Variants in GSE1 observed in about 807,000 individuals in gnomAD.
GSE1 encodes the protein genetic suppressor element 1.
Under a neutral mutation model 112.6 loss-of-function variants are expected in GSE1, and 32 were observed. That is an observed-to-expected ratio of 0.28 (90% CI 0.21 to 0.38). The LOEUF is 0.38. Among genes scored for constraint, GSE1 ranks in the 10% least tolerant of loss-of-function variants. The probability of loss-of-function intolerance (pLI) is 1.00; values close to 1 mark genes in which losing one functional copy is unlikely to be tolerated. For synonymous variants in GSE1, 1,115 were observed against 735.6 expected (o/e 1.52, Z -8.35); for missense variants, 2,348 against 1,699.2 (o/e 1.38, Z -6.71).
In GSE1 at chr16:85,519,267, TATCATCATCACC is replaced by T. The variant is rs1352347867; in HGVS notation, c.2465-114642_2465-114631del. Among the ~76,000 whole-genome samples, 22 of 133,690 alleles carry T rather than the reference TATCATCATCACC, an allele frequency of 1.6e-4. 1 individual carries two copies. In the South Asian group the frequency reaches 5.5e-3, roughly 33 times the overall value. 87.7% of individuals were successfully genotyped at this position (133,690 alleles called of 152,430 possible). ...CCATCGTCACTTTTACCACCATCACTATCATCATCACCATCACCACCACCATCACCGGTCTCC... is the reference window on the plus strand; with the variant it reads ...CCATCGTCACTTTTACCACCATCACTATCACCACCACCATCACCGGTCTCC... On this transcript the variant is annotated intron_variant, in intron 2 of 2. Transcript: ENST00000637419.
intron 2 of GSE1, among the ~76,000 whole-genome samples, chr16:85,639,493 GGGCGCCA>G (rs56915072): frequency 0.22 from 34,083 of 152,212 alleles, 4,171 homozygotes; most frequent in Middle Eastern, 0.32. Flanking sequence ...TAAGCCTCCT[GGGCGCCA>G]GGCCTAGCCT....
chr16:85,456,151 G>A (rs1264303801), intron 2 of GSE1, among the ~76,000 whole-genome samples: 3 of 152,202 alleles, frequency 2.0e-5, no homozygotes, highest in Non-Finnish European at 2.9e-5. Flanking sequence ...TCAGAGGAGG[G>A]TCACCGAGGG....
At chr16:85,397,152 G>T (rs1045347231) in intron 2 of GSE1, among the ~76,000 whole-genome samples, 1 of 152,318 alleles carries the variant, frequency 6.6e-6, no homozygotes, top group East Asian at 1.9e-4. Flanking sequence ...CCTGGGGGGA[G>T]ACTTGATTTC....
chr16:85,517,933 C>T (rs1273059084), intron 2 of GSE1, among the ~76,000 whole-genome samples: 2 of 152,188 alleles, frequency 1.3e-5, no homozygotes, highest in Non-Finnish European at 2.9e-5. Context: ...ATGGAGCGCC[C>T]CTCTCCCCTC....
chr16:85,554,145 A>G (rs2045076245), upstream of GSE1, among the ~76,000 whole-genome samples: 1 of 148,382 alleles, frequency 6.7e-6, no homozygotes. Flanking sequence ...GCAGCTTTGC[A>G]GCGTGCGTTT....
At chr16:85,627,728 C>A (rs1435462512) in intron 1 of GSE1, among the ~76,000 whole-genome samples, 1 of 151,968 alleles carries the variant, frequency 6.6e-6, no homozygotes, top group Non-Finnish European at 1.5e-5. Flanking sequence ...GGAGCGTATT[C>A]CCAGCTGTTA....
chr16:85,458,220 G>A (rs148849204), intron 2 of GSE1, among the ~76,000 whole-genome samples: 15 of 152,340 alleles, frequency 9.8e-5, no homozygotes, highest in Non-Finnish European at 1.6e-4. Context: ...CCCCTGCCTC[G>A]CTCCCGGCTG....
At chr16:85,228,248 G>C (rs1470063321) in intron 1 of GSE1, among the ~76,000 whole-genome samples, 1 of 152,270 alleles carries the variant, frequency 6.6e-6, no homozygotes, top group African/African-American at 2.4e-5. Context: ...AAGAGCTACA[G>C]ACAGAGGGCT....
intron 1 of GSE1, among the ~76,000 whole-genome samples, chr16:85,347,473 T>A (rs2046766735): frequency 6.6e-6 from 1 of 152,140 alleles, no homozygotes; most frequent in Non-Finnish European, 1.5e-5. Context: ...GTGCCAGCCT[T>A]TCAAGGGACC....
At chr16:85,478,090 G>C (rs140716886) in intron 2 of GSE1, among the ~76,000 whole-genome samples, 69 of 152,228 alleles carry the variant, frequency 4.5e-4, no homozygotes, top group Middle Eastern at 6.8e-3. Context: ...GGATTTCCCT[G>C]TTCTGGTCAT....
Position 85,298,305 on chromosome 16 carries a change from T to C in GSE1, c.2284-59158T>C, listed in dbSNP as rs1377818310. On this transcript the variant is annotated intron_variant, in intron 1 of 2. Transcript: ENST00000637419. ...GTCTCCAAGAGGCAAATTTGACATA[T>C]CCAAGAAGAAGCGCTTTATCTCCAC... Among the ~76,000 whole-genome samples, 4 of 152,132 alleles carry C rather than the reference T, an allele frequency of 2.6e-5. No homozygotes were observed. The East Asian group carries it at 7.7e-4, about 29-fold the overall frequency.
chr16:85,590,528 T>C (rs2046957496), intron 1 of GSE1, among the ~76,000 whole-genome samples: 1 of 151,392 alleles, frequency 6.6e-6, no homozygotes, highest in South Asian at 2.1e-4. Flanking sequence ...TGTGTGATTG[T>C]GTGAGCATGT....
At chr16:85,252,638 C>T (rs535535439) in intron 1 of GSE1, among the ~76,000 whole-genome samples, 1 of 152,312 alleles carries the variant, frequency 6.6e-6, no homozygotes, top group South Asian at 2.1e-4. Flanking sequence ...TGGAGAGGCC[C>T]CAGCTGTGGC....
intron 2 of GSE1, among the ~76,000 whole-genome samples, chr16:85,494,925 A>G (rs1273073537): frequency 1.3e-5 from 2 of 149,620 alleles, no homozygotes; most frequent in Non-Finnish European, 3.0e-5. Flanking sequence ...CTGCCGGTGC[A>G]GGCTTTCTGC....
chr16:85,222,606 C>T (rs80004650), intron 1 of GSE1, among the ~76,000 whole-genome samples: 5 of 152,200 alleles, frequency 3.3e-5, no homozygotes, highest in Non-Finnish European at 7.3e-5. Context: ...ATCTCTTTGT[C>T]GGATCAAACA....
rs1597958776 is a variant in GSE1 at position 85,497,000 on chromosome 16, G to A, written c.2465-136914G>A. Among the ~76,000 whole-genome samples the A allele has an allele frequency of 2.0e-5, 3 of 151,936 alleles. No individual in the cohort carries two copies. The East Asian group carries it at 5.8e-4, about 29-fold the overall frequency. On this transcript the variant is annotated intron_variant, in intron 2 of 2. Transcript: ENST00000637419. ...TGCAACCTCTGCCTCCCAGGTTCAAGCGATTCTCCTGCCTCAGCCTCCCGA... is the reference window on the plus strand; with the variant it reads ...TGCAACCTCTGCCTCCCAGGTTCAAACGATTCTCCTGCCTCAGCCTCCCGA...
chr16:85,464,203 C>T (rs907876323), intron 2 of GSE1, among the ~76,000 whole-genome samples: 6 of 152,066 alleles, frequency 3.9e-5, no homozygotes, highest in African/African-American at 1.5e-4. Flanking sequence ...CTTTTGAAAA[C>T]TCAGGGGGAG....
intron 3 of GSE1, among the ~76,000 whole-genome samples, chr16:85,650,449 T>C (rs1598582258): frequency 6.6e-6 from 1 of 152,152 alleles, no homozygotes; most frequent in African/African-American, 2.4e-5. Flanking sequence ...GCCAGGACCC[T>C]GCACCCAGCC....
intron 1 of GSE1, among the ~76,000 whole-genome samples, chr16:85,185,929 G>A (rs1048112229): frequency 6.6e-6 from 1 of 152,224 alleles, no homozygotes; most frequent in Non-Finnish European, 1.5e-5. Context: ...CATCTCTGCC[G>A]AGGGCGCGGA....
Sources: allele counts gnomAD v4.1 joint callset (sites outside exome capture counted in the v4.1 genomes callset), GRCh38; gene constraint gnomAD v4.1.1; transcripts MANE v1.5; gene names NCBI Gene and HGNC (gene_info 2026-07-23, HGNC 2026-07-21).